RAB17: variants seen among roughly 807,000 people sequenced by gnomAD.
RAB17 encodes RAB17, member RAS oncogene family.
In RAB17, 15 loss-of-function variants were observed where a neutral mutation model predicts 19.3. The observed-to-expected ratio is 0.78, with a 90% CI of 0.52 to 1.20. The LOEUF (loss-of-function observed/expected upper bound fraction) is 1.20. Ranked by LOEUF, RAB17 falls within the 50% of genes most tolerant of loss-of-function variation. The pLI is 0.00. For missense variants in RAB17, 262 were observed against 269.3 expected, an observed-to-expected ratio of 0.97 and a Z score of 0.19; for synonymous variants, 110 against 112.8, an observed-to-expected ratio of 0.97 and a Z score of 0.16.
rs558525407 is a variant in RAB17 at position 237,580,518 on chromosome 2, A to C, written c.158-2363T>G. ...CACTTTGGGAGGCCGAGGTGGGTAG[A>C]TCACTTGAGGTCGAGTTCAAGACCA... On this transcript the variant is annotated intron_variant, in intron 2 of 5. Coordinates refer to ENST00000264601, the MANE Select transcript of RAB17 (RefSeq NM_022449.4). Among the ~76,000 whole-genome samples the C allele has an allele frequency of 4.9e-4, 75 of 152,190 alleles. 2 individuals carry two copies. Among genetic ancestry groups the C allele is most frequent in the South Asian group, 4.8e-3 (23 of 4,824 alleles).
Position 237,577,505 on chromosome 2 carries a change from T to C in RAB17, c.310-123A>G, listed in dbSNP as rs563170033. 756 of 1,133,376 alleles carry C rather than the reference T, an allele frequency of 6.7e-4. 1 individual carries two copies. The highest frequency in any genetic ancestry group is 8.8e-4 in the Middle Eastern group (3 of 3,398). 70.2% of individuals were successfully genotyped at this position (1,133,376 alleles called of 1,614,324 possible). ...AAATGTCACAGAATCCAACTGGCCA[T>C]GGGCGCACCTGCAGGGCTGCTCCGT... On this transcript the variant is annotated intron_variant, in intron 3 of 5. Transcript: ENST00000264601.
intron 2 of RAB17, chr2:237,578,796 C>G (rs187109391): frequency 3.3e-5 from 5 of 152,624 alleles, no homozygotes; most frequent in African/African-American, 1.2e-4. Flanking sequence ...TCCACGGAAG[C>G]CTCCCTGCAC....
In RAB17 at chr2:237,577,992, G is replaced by A. The variant is rs920856105; in HGVS notation, c.309+12C>T. ...GGAAGGAGGGTGGGACGTGCCTCAAGGCGGGCCCTACCTTCCTGGTGATGT... is the reference window on the plus strand; with the variant it reads ...GGAAGGAGGGTGGGACGTGCCTCAAAGCGGGCCCTACCTTCCTGGTGATGT... On this transcript the variant is annotated intron_variant, in intron 3 of 5. Transcript: ENST00000264601. 1.1e-5 allele frequency: 18 copies of A among 1,592,744 alleles called. No individual in the cohort carries two copies. The highest frequency in any genetic ancestry group is 8.6e-7 in the Non-Finnish European group (1 of 1,163,932).
At chr2:237,578,214 G>C (rs2081281791) in intron 2 of RAB17, 59 bp from the exon 3 acceptor site, 1 of 1,538,366 alleles carries the variant, frequency 6.5e-7, no homozygotes, top group Admixed American at 1.8e-5. Context: ...ATGCGGCTCA[G>C]GTGGGACCAC....
At chr2:237,577,928 G>T in intron 3 of RAB17, 76 bp downstream of exon 3, 1 of 1,466,392 alleles carries the variant, frequency 6.8e-7, no homozygotes. Flanking sequence ...ATTACGCCAT[G>T]GCATCATTGC....
Position 237,577,383 on chromosome 2 carries a change from C to G in RAB17, c.310-1G>C, listed in dbSNP as rs2081273982. ...ACTGCTGAGCCTTGAGGAAGGAATC[C>G]TAGAAAAGAAGAAAAAAAGTAACAT... On this transcript the variant is annotated splice_acceptor_variant, in intron 3 of 5. Transcript: ENST00000264601. LOFTEE classifies it high-confidence loss of function. 6.3e-7 allele frequency: 1 copy of G among 1,592,928 alleles called. No individual in the cohort carries two copies. The highest frequency in any genetic ancestry group is 1.4e-5 in the African/African-American group (1 of 73,984).
At position 237,574,431 on chromosome 2, in the gene RAB17, G is replaced by C. The variant is rs1041821333; in HGVS notation, c.*588C>G. ...TTCCTGCTCATTGGACAGAAACTCA[G>C]CTTCACCACATTGCCAGCCGGGAGA... is the stretch of plus-strand genomic sequence containing the variant. On this transcript the variant is annotated 3_prime_UTR_variant, in exon 6 of 6. Transcript: ENST00000264601. 1.0e-5 allele frequency: 16 copies of C among 1,549,280 alleles called. No homozygotes were observed. The highest frequency in any genetic ancestry group is 1.3e-5 in the Non-Finnish European group (15 of 1,146,160).
chr2:237,582,727 G>A (rs1403643461), intron 2 of RAB17, among the ~76,000 whole-genome samples: 1 of 152,218 alleles, frequency 6.6e-6, no homozygotes, highest in Non-Finnish European at 1.5e-5. Flanking sequence ...GTGCAACACA[G>A]ATCACTCTTC....
chr2:237,577,059 T>G (rs1174271502), intron 4 of RAB17, among the ~76,000 whole-genome samples, 198 bp downstream of exon 4: 1 of 151,806 alleles, frequency 6.6e-6, no homozygotes, highest in African/African-American at 2.4e-5. Flanking sequence ...TAAATGTGTG[T>G]GGGTGCAAGT....
intron 2 of RAB17, among the ~76,000 whole-genome samples, chr2:237,582,308 C>A (rs1459226143): frequency 2.0e-5 from 3 of 152,364 alleles, no homozygotes; most frequent in African/African-American, 7.2e-5. Context: ...CTGAACCAGA[C>A]CCTCGGGAGG....
At chr2:237,576,608 G>T in intron 4 of RAB17, 1 of 471,128 alleles carries the variant, frequency 2.1e-6, no homozygotes, top group South Asian at 1.5e-5. Flanking sequence ...GCCCTGAGTT[G>T]GGTCTTCCCC....
rs2081326306 is a variant in RAB17, at chr2:237,583,772, TC to T, written c.157+2225del. 2.6e-5 allele frequency among the ~76,000 whole-genome samples: 4 copies of T among 152,044 alleles called. No homozygotes were observed. In the South Asian group the frequency reaches 8.3e-4, roughly 32 times the overall value. On this transcript the variant is annotated intron_variant, in intron 2 of 5. Coordinates refer to ENST00000264601, the MANE Select transcript of RAB17 (RefSeq NM_022449.4). ...AGAGCCCAGCCTGTAGAACGGTCCT[TC>T]CCCTCAGAGAGAGGAGATAAACCCA...
At chr2:237,582,373 C>A (rs1219511637) in intron 2 of RAB17, among the ~76,000 whole-genome samples, 1 of 152,222 alleles carries the variant, frequency 6.6e-6, no homozygotes, top group Non-Finnish European at 1.5e-5. Context: ...ACAGGGCCGG[C>A]CTTGGTGACC....
Position 237,575,445 on chromosome 2 carries a change from C to G in RAB17, c.471G>C (p.Leu157=). 6.2e-7 allele frequency: 1 copy of G among 1,612,610 alleles called. No individual in the cohort carries two copies. Among genetic ancestry groups the G allele is most frequent in the African/African-American group, 1.3e-5 (1 of 75,022 alleles). ...GKEFADSQKL[L]FMETSAKLNH... ...TCAGTTTGGCCGAAGTTTCCATGAA[C>G]AGCAACTTCTGGCTGTCGGCAAACT... Residue 157 remains leucine (L), a synonymous_variant, in exon 5 of 6, where the codon CTG becomes CTC. Coordinates refer to ENST00000264601, the MANE Select transcript of RAB17 (RefSeq NM_022449.4).
intron 4 of RAB17, chr2:237,576,757 C>A: frequency 2.1e-6 from 1 of 470,788 alleles, no homozygotes; most frequent in South Asian, 1.5e-5. Flanking sequence ...GTGACCGCTG[C>A]CTCTGCCTGT....
chr2:237,586,821 C>T (rs1444370812), intron 1 of RAB17, among the ~76,000 whole-genome samples: 2 of 152,210 alleles, frequency 1.3e-5, no homozygotes, highest in African/African-American at 4.8e-5. Context: ...ACCCACCTCC[C>T]GCTTCCCCAG....
chr2:237,583,228 C>T (rs1368829374), intron 2 of RAB17, among the ~76,000 whole-genome samples: 3 of 152,214 alleles, frequency 2.0e-5, no homozygotes, highest in African/African-American at 7.2e-5. Flanking sequence ...ATAGCAGCTA[C>T]TCTGGAGGCT....
intron 1 of RAB17, among the ~76,000 whole-genome samples, chr2:237,589,220 C>CAAAAAAAA (rs371809449): frequency 2.8e-5 from 4 of 141,490 alleles, no homozygotes; most frequent in Admixed American, 6.8e-5. Flanking sequence ...AATCTGTCTC[C>CAAAAAAAA]AAAAAAAAAG....
chr2:237,582,456 C>A (rs532084374), intron 2 of RAB17, among the ~76,000 whole-genome samples: 1 of 152,342 alleles, frequency 6.6e-6, no homozygotes, highest in East Asian at 1.9e-4. Context: ...TCCCGTTTCA[C>A]AGGGAAAAAA....
Sources: allele counts gnomAD v4.1 joint callset (sites outside exome capture counted in the v4.1 genomes callset), GRCh38; gene constraint gnomAD v4.1.1; transcripts MANE v1.5; gene names NCBI Gene and HGNC (gene_info 2026-07-23, HGNC 2026-07-21).